Variants in ENPP1 observed in about 807,000 individuals in gnomAD.
ENPP1 encodes ectonucleotide pyrophosphatase/phosphodiesterase 1, also known as ectonucleotide pyrophosphatase/phosphodiesterase family member 1.
Under a neutral mutation model 122.8 loss-of-function variants are expected in ENPP1, and 73 were observed. That is an observed-to-expected ratio of 0.59 (90% confidence interval 0.49 to 0.72). The LOEUF is 0.72. Ranked by LOEUF, ENPP1 falls within the 30% of genes least tolerant of loss-of-function variation. The pLI is 0.00. For synonymous variants in ENPP1, 367 were observed against 391.6 expected, an observed-to-expected ratio of 0.94 and a Z score of 0.74; for missense variants, 978 against 1,128.1, an observed-to-expected ratio of 0.87 and a Z score of 1.91.
intron 19 of ENPP1, among the ~76,000 whole-genome samples, chr6:131,878,814 G>A (rs543273959): frequency 5.3e-5 from 8 of 152,336 alleles, no homozygotes; most frequent in East Asian, 1.9e-4. Context: ...TGTATGTAAT[G>A]TATTTAGTGG....
Position 131,850,024 on chromosome 6 carries a change from A to G in ENPP1, c.348A>G (p.Thr116=), listed in dbSNP as rs779629624. 9 of 1,613,932 alleles carry G rather than the reference A, an allele frequency of 5.6e-6. No homozygotes were observed. Among genetic ancestry groups the G allele is most frequent in the Non-Finnish European group, 8.5e-7 (1 of 1,179,968 alleles). ...GCAAAGGTCGCTGTTTCGAGAGAACATTTGGGAACTGTCGCTGTGATGCTG... is the reference window on the plus strand; with the variant it reads ...GCAAAGGTCGCTGTTTCGAGAGAACGTTTGGGAACTGTCGCTGTGATGCTG... The part of the protein sequence containing the change: ...KSCKGRCFER[T]FGNCRCDAAC... Residue 116 remains threonine, a synonymous_variant, in exon 3 of 25, where the codon ACA becomes ACG. Transcript: ENST00000647893.
intron 1 of ENPP1, among the ~76,000 whole-genome samples, chr6:131,824,899 A>G (rs1218689220): frequency 6.6e-6 from 1 of 152,092 alleles, no homozygotes; most frequent in African/African-American, 2.4e-5. Flanking sequence ...ATGTCTACCA[A>G]AAATACAAAA....
intron 5 of ENPP1, among the ~76,000 whole-genome samples, chr6:131,853,458 T>C (rs1440154262): frequency 6.6e-6 from 1 of 152,208 alleles, no homozygotes; most frequent in Admixed American, 6.5e-5. Flanking sequence ...AGGACACTTA[T>C]TATTACACTG....
In ENPP1 at chr6:131,854,859, T is replaced by A; in HGVS notation, c.618-67T>A. 2.8e-6 allele frequency: 3 copies of A among 1,071,962 alleles called. No individual in the cohort carries two copies. In the South Asian group the frequency reaches 3.8e-5, roughly 13 times the overall value. 66.4% of individuals were successfully genotyped at this position (1,071,962 alleles called of 1,614,324 possible). ...CACTGGACCTGTGCCAAGAAGGGGGTACATCTTCATTGGATATGTCTTGTC... is the reference window on the plus strand; with the variant it reads ...CACTGGACCTGTGCCAAGAAGGGGGAACATCTTCATTGGATATGTCTTGTC... On this transcript the variant is annotated intron_variant, in intron 5 of 24. Transcript: ENST00000647893.
chr6:131,864,778 T>C, intron 10 of ENPP1, 88 bp from the exon 11 acceptor site: 1 of 938,022 alleles, frequency 1.1e-6, no homozygotes, highest in Non-Finnish European at 1.8e-6. Context: ...GTTATAAAAT[T>C]TAATCCCTAT....
In ENPP1 at chr6:131,851,165, T is replaced by G; in HGVS notation, c.454T>G (p.Phe152Val). 1 of 1,614,062 alleles carries G rather than the reference T, an allele frequency of 6.2e-7. No homozygotes were observed. Among genetic ancestry groups the G allele is most frequent in the Non-Finnish European group, 8.5e-7 (1 of 1,179,940 alleles). ...EPEHIWTCNK[F>V]RCGEKRLTRS... ...AGAACATATATGGACTTGCAACAAA[T>G]TCAGGTGTGGTGAGAAAAGGTTGAC... The change falls in exon 4 of 25, where the codon TTC (phenylalanine) becomes GTC (valine). Residue 152 changes from phenylalanine to valine, a missense_variant. This residue lies in a region of ENPP1 where 330 missense variants were observed against 328.5 expected (regional missense o/e 1.00). Transcript: ENST00000647893.
chr6:131,877,262 G>A (rs936246741), intron 18 of ENPP1, 101 bp downstream of exon 18: 2 of 1,142,558 alleles, frequency 1.8e-6, no homozygotes, highest in African/African-American at 1.5e-5. Context: ...TAGAATTTAG[G>A]AGTGGGGGTA....
At position 131,890,493 on chromosome 6, in the gene ENPP1, C is replaced by A; in HGVS notation, c.2760C>A (p.Thr920=). 6.2e-6 allele frequency: 10 copies of A among 1,613,968 alleles called. No homozygotes were observed. Among genetic ancestry groups the A allele is most frequent in the Non-Finnish European group, 8.5e-6 (10 of 1,179,814 alleles). ...DILKLKTHLP[T]FSQED ...TAAAGTTGAAAACACATTTGCCAACCTTTAGCCAAGAAGACTGATATGTTT... is the reference window on the plus strand; with the variant it reads ...TAAAGTTGAAAACACATTTGCCAACATTTAGCCAAGAAGACTGATATGTTT... Residue 920 remains threonine (T), a synonymous_variant, in exon 25 of 25, where the codon ACC becomes ACA. Transcript: ENST00000647893.
intron 1 of ENPP1, among the ~76,000 whole-genome samples, chr6:131,824,923 C>A (rs9375828): frequency 0.54 from 81,688 of 151,436 alleles, 22,455 homozygotes; most frequent in East Asian, 0.74. Flanking sequence ...AGCCTGTTGT[C>A]GTGGCACACA....
In ENPP1 at chr6:131,855,135, T is replaced by C. The variant is rs1585818575; in HGVS notation, c.715+112T>C. 3.7e-6 allele frequency: 3 copies of C among 806,754 alleles called. 1 individual carries two copies. Among genetic ancestry groups the C allele is most frequent in the Non-Finnish European group, 6.5e-6 (3 of 459,386 alleles). 50.0% of individuals were successfully genotyped at this position (806,754 alleles called of 1,614,324 possible). ...AGAACCTAACTGTTTCACTAAACTT[T>C]TCTATGGCAAAGTAGTTGAACCTTG... On this transcript the variant is annotated intron_variant, in intron 6 of 24. Transcript: ENST00000647893.
intron 1 of ENPP1, among the ~76,000 whole-genome samples, chr6:131,818,700 A>T (rs1411770966): frequency 1.3e-5 from 2 of 152,096 alleles, no homozygotes; most frequent in Non-Finnish European, 2.9e-5. Flanking sequence ...TGAAACCTAG[A>T]TTACCTGTCT....
chr6:131,853,592 A>T (rs1197815213), intron 5 of ENPP1, among the ~76,000 whole-genome samples: 1 of 152,224 alleles, frequency 6.6e-6, no homozygotes, highest in Non-Finnish European at 1.5e-5. Context: ...AGAGTCTCTC[A>T]GTGGAGCTAT....
chr6:131,827,456 C>A, intron 1 of ENPP1: 1 of 658,298 alleles, frequency 1.5e-6, no homozygotes, highest in South Asian at 1.7e-5. Context: ...AGAGTACATC[C>A]AAAATGGTAT....
rs1388703734 is a variant in ENPP1, at chr6:131,847,855, AGGTGTGT to A, written c.313+9_313+15del. Reference sequence around the variant, plus strand: ...CCAAGCTGTGCCAAAGAAGGTAATTAGGTGTGTGTGTGTGTGTGTGTGTGTGTGTGTG... The same window carrying A: ...CCAAGCTGTGCCAAAGAAGGTAATTAGTGTGTGTGTGTGTGTGTGTGTGTG... On this transcript the variant is annotated splice_region_variant and intron_variant, in intron 2 of 24. Transcript: ENST00000647893. 3 of 1,490,850 alleles carry A rather than the reference AGGTGTGT, an allele frequency of 2.0e-6. No individual in the cohort carries two copies. The African/African-American group carries it at 4.4e-5, about 22-fold the overall frequency. 92.4% of individuals were successfully genotyped at this position (1,490,850 alleles called of 1,614,324 possible).
chr6:131,883,784 G>A lies in ENPP1; in HGVS notation c.2311+10G>A. ...TACCAGAGTTTTCAAGGTAAATAAT[G>A]TTAACTCTATATTTGATAATTTTAA... is the stretch of plus-strand genomic sequence containing the variant. On this transcript the variant is annotated intron_variant, in intron 22 of 24. Transcript: ENST00000647893. The A allele has an allele frequency of 7.6e-7, 1 of 1,309,772 alleles. No homozygotes were observed. Among genetic ancestry groups the A allele is most frequent in the Non-Finnish European group, 1.1e-6 (1 of 903,530 alleles). 81.1% of individuals were successfully genotyped at this position (1,309,772 alleles called of 1,614,324 possible).
chr6:131,837,172 T>TTGTGTGTGTGTG lies in ENPP1; in HGVS notation c.241-10574_241-10563dup, dbSNP rs67550562. 8.0e-3 allele frequency among the ~76,000 whole-genome samples: 1,087 copies of TTGTGTGTGTGTG among 136,048 alleles called. 10 individuals carry two copies. The highest frequency in any genetic ancestry group is 0.018 in the South Asian group (67 of 3,696). 89.3% of individuals were successfully genotyped at this position (136,048 alleles called of 152,430 possible). A position where few individuals can be genotyped will look rare whatever the true frequency, so the allele number is the denominator to read the frequency against. On this transcript the variant is annotated intron_variant, in intron 1 of 24. Coordinates refer to ENST00000647893, the MANE Select transcript of ENPP1 (RefSeq NM_006208.3). ...AGCTTATTTGGGGTTCCTGTTGTCA[T>TTGTGTGTGTGTG]TGTGTGTGTGTGTGTGTGTGTGTGT...
rs1353581361 is a variant in ENPP1, at chr6:131,858,535, AT to A, written c.716-128del. The A allele has an allele frequency of 7.8e-6, 5 of 644,856 alleles. No individual in the cohort carries two copies. In the African/African-American group the frequency reaches 9.1e-5, roughly 12 times the overall value. The allele number at this position is 644,856 out of a possible 1,614,324, so 39.9% of individuals were successfully genotyped here. ...AGTGTTGCTTTATAATTCATCCTGAATTTTTATCTGATTAAAATCCCTCCTG... is the reference window on the plus strand; with the variant it reads ...AGTGTTGCTTTATAATTCATCCTGAATTTTATCTGATTAAAATCCCTCCTG... On this transcript the variant is annotated intron_variant, in intron 6 of 24. Coordinates refer to ENST00000647893, the MANE Select transcript of ENPP1 (RefSeq NM_006208.3).
At chr6:131,847,725 A>G in intron 1 of ENPP1, 51 bp from the exon 2 acceptor site, 1 of 1,286,204 alleles carries the variant, frequency 7.8e-7, no homozygotes, top group South Asian at 1.3e-5. Context: ...AAAATAAGAT[A>G]AAATATTTTT....
intron 20 of ENPP1, among the ~76,000 whole-genome samples, chr6:131,880,878 C>A (rs1292398720): frequency 1.3e-5 from 2 of 152,098 alleles, no homozygotes; most frequent in Admixed American, 6.5e-5. Context: ...AGGAGTTAGG[C>A]CTTGAAAGGA....
Sources: gnomAD v4.1 joint callset for allele counts (sites outside exome capture counted in the v4.1 genomes callset) on GRCh38, gnomAD v4.1.1 for gene constraint, gnomAD v4.1.1 regional missense constraint, MANE v1.5 for transcripts, NCBI Gene and HGNC (gene_info 2026-07-23, HGNC 2026-07-21) for gene names.